Variants in SPTLC1 observed in about 807,000 individuals in gnomAD.
SPTLC1 encodes serine palmitoyltransferase long chain base subunit 1, also known as serine palmitoyltransferase 1.
SPTLC1 carries 55 observed loss-of-function variants against 68.9 expected under a neutral mutation model. The ratio of observed to expected loss-of-function variants is 0.80; its 90% CI spans 0.64 to 1.00. The LOEUF is 1.00. Ranked by LOEUF, SPTLC1 falls within the 50% of genes least tolerant of loss-of-function variation. The pLI, the probability that SPTLC1 is intolerant of heterozygous loss-of-function variation, is 0.00. For synonymous variants in SPTLC1, 197 were observed against 201.6 expected (o/e 0.98, Z 0.19); for missense variants, 449 against 573.1 (o/e 0.78, Z 2.21).
intron 8 of SPTLC1, among the ~76,000 whole-genome samples, chr9:92,052,822 G>A (rs112690184): frequency 1.9e-4 from 29 of 152,058 alleles, no homozygotes; most frequent in South Asian, 6.3e-4. Flanking sequence ...GTGAGCCACC[G>A]TGCCCGGCCA....
intron 6 of SPTLC1, among the ~76,000 whole-genome samples, chr9:92,064,220 C>G (rs1455165495): frequency 2.0e-5 from 3 of 151,976 alleles, no homozygotes; most frequent in African/African-American, 4.8e-5. Context: ...ACGTGGACAT[C>G]AAAATTTGTA....
chr9:92,094,566 C>G (rs1045481901), intron 3 of SPTLC1, among the ~76,000 whole-genome samples: 1 of 152,198 alleles, frequency 6.6e-6, no homozygotes, highest in Non-Finnish European at 1.5e-5. Flanking sequence ...CATTTCTTAC[C>G]AGCATGCTCC....
chr9:92,092,723 G>C (rs1388248684), intron 3 of SPTLC1, among the ~76,000 whole-genome samples: 1 of 152,096 alleles, frequency 6.6e-6, no homozygotes, highest in Non-Finnish European at 1.5e-5. Context: ...AACAGGGCAA[G>C]ACTCCATCCT....
Position 92,115,389 on chromosome 9 carries a change from G to T in SPTLC1, c.-19C>A, listed in dbSNP as rs780821663. ...TCGCCATAGTTAGCCGCTTCCTTCC[G>T]GAAGGCGGGTCACAAGCGCGTCCCA... On this transcript the variant is annotated 5_prime_UTR_variant, in exon 1 of 15. Transcript: ENST00000262554. 5.0e-6 allele frequency: 8 copies of T among 1,612,940 alleles called. No homozygotes were observed. Among genetic ancestry groups the T allele is most frequent in the Non-Finnish European group, 5.9e-6 (7 of 1,179,722 alleles).
At chr9:92,081,423 G>A (rs1326537508) in intron 3 of SPTLC1, among the ~76,000 whole-genome samples, 3 of 152,224 alleles carry the variant, frequency 2.0e-5, no homozygotes, top group Admixed American at 6.5e-5. Context: ...AGCCACTAAA[G>A]AGTAAGTGGG....
rs769584025 is a variant in SPTLC1, at chr9:92,034,872, T to C, written c.1266A>G (p.Arg422=). ...LQEIVDQCMN[R]SIALTQARYL... ...AGCGCGCCTGAGTTAATGCAATACT[T>C]CTGTTCATGCACTGTAGGAAGAAAA... Residue 422 remains arginine (R), a synonymous_variant, in exon 14 of 15, where the codon AGA becomes AGG. Coordinates refer to ENST00000262554, the MANE Select transcript of SPTLC1 (RefSeq NM_006415.4). 2.5e-6 allele frequency: 4 copies of C among 1,614,132 alleles called. No individual in the cohort carries two copies. Among genetic ancestry groups the C allele is most frequent in the Non-Finnish European group, 3.4e-6 (4 of 1,180,006 alleles).
intron 3 of SPTLC1, among the ~76,000 whole-genome samples, chr9:92,086,537 A>G (rs1835141107): frequency 1.3e-5 from 2 of 152,318 alleles, no homozygotes; most frequent in Admixed American, 6.5e-5. Flanking sequence ...TCTGGGTTGA[A>G]AATTCTTTTC....
At position 92,089,181 on chromosome 9, in the gene SPTLC1, C is replaced by T. The variant is rs1028205508; in HGVS notation, c.261-8218G>A. Among the ~76,000 whole-genome samples the T allele has an allele frequency of 2.6e-5, 4 of 152,170 alleles. 1 individual carries two copies. Among genetic ancestry groups the T allele is most frequent in the South Asian group, 4.2e-4 (2 of 4,808 alleles). On this transcript the variant is annotated intron_variant, in intron 3 of 14. Coordinates refer to ENST00000262554, the MANE Select transcript of SPTLC1 (RefSeq NM_006415.4). ...ATCCCAGCACTTTGGGAGGCCGAGG[C>T]GAGCAGATTACCTGAGGTCAGGAGT...
At chr9:92,087,722 G>A (rs1835201765) in intron 3 of SPTLC1, among the ~76,000 whole-genome samples, 1 of 152,224 alleles carries the variant, frequency 6.6e-6, no homozygotes, top group Non-Finnish European at 1.5e-5. Flanking sequence ...GAGGCAGTCT[G>A]CCCGTTCTCA....
chr9:92,056,323 G>C (rs1246961887), intron 7 of SPTLC1, among the ~76,000 whole-genome samples: 1 of 152,114 alleles, frequency 6.6e-6, no homozygotes, highest in Admixed American at 6.5e-5. Context: ...TCCGCCTCCA[G>C]GGTTCAAGCA....
intron 4 of SPTLC1, among the ~76,000 whole-genome samples, chr9:92,080,659 C>A (rs371360592): frequency 2.0e-5 from 3 of 152,240 alleles, no homozygotes; most frequent in Non-Finnish European, 4.4e-5. Context: ...CCACCTCAGC[C>A]TCCCAAGTAG....
intron 1 of SPTLC1, among the ~76,000 whole-genome samples, chr9:92,114,703 C>G (rs1025500990): frequency 6.6e-6 from 1 of 151,566 alleles, no homozygotes; most frequent in Non-Finnish European, 1.5e-5. Flanking sequence ...CCCTTGCACT[C>G]CAGCTTGAGC....
At chr9:92,106,079 C>G (rs1362179560) in intron 3 of SPTLC1, among the ~76,000 whole-genome samples, 2 of 151,416 alleles carry the variant, frequency 1.3e-5, no homozygotes, top group African/African-American at 4.9e-5. Context: ...CTCTGCCCAG[C>G]CCCTGCACCG....
At chr9:92,109,861 A>G (rs1365111930) in intron 2 of SPTLC1, 2 of 152,222 alleles carry the variant, frequency 1.3e-5, no homozygotes, top group East Asian at 3.8e-4. Context: ...AATCCCAGCT[A>G]CTCGGGAAGG....
At chr9:92,086,972 T>G (rs1225379430) in intron 3 of SPTLC1, among the ~76,000 whole-genome samples, 1 of 152,228 alleles carries the variant, frequency 6.6e-6, no homozygotes, top group African/African-American at 2.4e-5. Context: ...AAACTTCCCT[T>G]CTCACTTCAT....
intron 2 of SPTLC1, among the ~76,000 whole-genome samples, chr9:92,112,100 G>T (rs1415129359): frequency 6.6e-6 from 1 of 152,128 alleles, no homozygotes; most frequent in East Asian, 1.9e-4. Context: ...GACCACAGGG[G>T]AATCTTTATC....
chr9:92,088,231 C>T (rs1260115951), intron 3 of SPTLC1, among the ~76,000 whole-genome samples: 2 of 152,264 alleles, frequency 1.3e-5, no homozygotes, highest in African/African-American at 2.4e-5. Context: ...TGCTTCAGCT[C>T]GCACATGGTG....
Position 92,047,227 on chromosome 9 carries a change from A to T in SPTLC1, c.1026T>A (p.Pro342=). Residue 342 remains proline, a synonymous_variant, in exon 11 of 15, where the codon CCT becomes CCA. Transcript: ENST00000262554. ...CAATTGCTGCAGCAGCTAACAGGGG[A>T]GGTAACGAAGCTGAAAAGCAGTATC... ...GQGYCFSASL[P]PLLAAAAIEA... 1 of 1,614,086 alleles carries T rather than the reference A, an allele frequency of 6.2e-7. No individual in the cohort carries two copies. Among genetic ancestry groups the T allele is most frequent in the South Asian group, 1.1e-5 (1 of 91,084 alleles).
intron 5 of SPTLC1, among the ~76,000 whole-genome samples, chr9:92,072,774 C>A (rs1056773571): frequency 1.5e-4 from 23 of 152,200 alleles, no homozygotes; most frequent in African/African-American, 4.8e-4. Flanking sequence ...ACTTCGGTTG[C>A]AAAATGGGCA....
Sources: gnomAD v4.1 joint callset for allele counts (sites outside exome capture counted in the v4.1 genomes callset) on GRCh38, gnomAD v4.1.1 for gene constraint, MANE v1.5 for transcripts, NCBI Gene and HGNC (gene_info 2026-07-23, HGNC 2026-07-21) for gene names.